Variants in UGT1A9 observed in about 807,000 individuals in gnomAD.
The protein encoded by UGT1A9 is UDP-glucuronosyltransferase 1A9.
A neutral mutation model predicts 45.0 loss-of-function variants in UGT1A9; 35 were observed. That is an observed-to-expected ratio of 0.78 (90% CI 0.59 to 1.03). The LOEUF (loss-of-function observed/expected upper bound fraction) is 1.03. UGT1A9 is among the 50% of genes least tolerant of loss of function. The probability of loss-of-function intolerance (pLI) is 0.00; values close to 1 mark genes in which losing one functional copy is unlikely to be tolerated. For synonymous variants in UGT1A9, 278 were observed against 250.6 expected (o/e 1.11, Z -1.03); for missense variants, 687 against 666.6 (o/e 1.03, Z -0.34).
chr2:233,702,674 T>C (rs1045576021), intron 1 of UGT1A9, among the ~76,000 whole-genome samples: 4 of 152,172 alleles, frequency 2.6e-5, no homozygotes, highest in African/African-American at 9.7e-5. Flanking sequence ...TTATCATACC[T>C]GAGGTGTTTG....
intron 1 of UGT1A9, among the ~76,000 whole-genome samples, chr2:233,765,711 T>TTAATAATAA (rs10664358): frequency 0.012 from 1,790 of 149,272 alleles, 15 homozygotes; most frequent in Middle Eastern, 0.045. Context: ...ATAATAATAA[T>TTAATAATAA]TAATAATAAT....
chr2:233,689,509 A>T (rs1001968532), intron 1 of UGT1A9, among the ~76,000 whole-genome samples: 2 of 152,238 alleles, frequency 1.3e-5, no homozygotes, highest in African/African-American at 4.8e-5. Flanking sequence ...CAGAGGTTAC[A>T]CATTGGTTTG....
Position 233,773,232 on chromosome 2 carries a change from G to A in UGT1A9, c.*673G>A, listed in dbSNP as rs915315951. On this transcript the variant is annotated 3_prime_UTR_variant, in exon 5 of 5. Transcript: ENST00000354728. Reference sequence around the variant, plus strand: ...ACCCAAAATACAGCTATGAAGTGCTGGGCAAGTTTACTTTTTTTCTGATGT... The same window carrying A: ...ACCCAAAATACAGCTATGAAGTGCTAGGCAAGTTTACTTTTTTTCTGATGT... The A allele has an allele frequency of 1.3e-5, 2 of 152,202 alleles. No individual in the cohort carries two copies. Among genetic ancestry groups the A allele is most frequent in the East Asian group, 3.7e-4 (2 of 5,344 alleles). The allele number at this position is 152,202 out of a possible 1,614,324, so 9.4% of individuals were successfully genotyped here. A position where few individuals can be genotyped will look rare whatever the true frequency, so the allele number is the denominator to read the frequency against.
intron 1 of UGT1A9, chr2:233,692,869 G>T: frequency 2.0e-6 from 3 of 1,484,506 alleles, no homozygotes; most frequent in Non-Finnish European, 2.7e-6. Context: ...ACATATCAAA[G>T]GGTAAAATTC....
chr2:233,689,331 T>G (rs2074938203), intron 1 of UGT1A9, among the ~76,000 whole-genome samples: 1 of 152,238 alleles, frequency 6.6e-6, no homozygotes, highest in African/African-American at 2.4e-5. Context: ...CACTGAGATT[T>G]GCAATGGGAG....
intron 1 of UGT1A9, chr2:233,690,760 T>TACACAC: frequency 1.1e-6 from 1 of 905,432 alleles, no homozygotes; most frequent in Non-Finnish European, 1.3e-6. Context: ...AGTGCAGACA[T>TACACAC]ACACACACAC....
At position 233,672,520 on chromosome 2, in the gene UGT1A9, G is replaced by T. The variant is rs2074229865; in HGVS notation, c.586G>T (p.Gly196Trp). The part of the protein sequence containing the change: ...PLSYVPRILL[G>W]FSDAMTFKER... The stretch of plus-strand genomic sequence containing the variant: ...TTCCTATGTCCCCAGAATTCTCTTA[G>T]GGTTCTCAGATGCCATGACTTTCAA... The change falls in exon 1 of 5, where the codon GGG becomes TGG. Residue 196 changes from glycine (G) to tryptophan (W), a missense_variant. By Grantham distance (184) the Gly-to-Trp change is radical. Coordinates refer to ENST00000354728, the MANE Select transcript of UGT1A9 (RefSeq NM_021027.3). 1.2e-6 allele frequency: 2 copies of T among 1,613,744 alleles called. No homozygotes were observed. Among genetic ancestry groups the T allele is most frequent in the Non-Finnish European group, 1.7e-6 (2 of 1,179,850 alleles).
At chr2:233,729,782 C>T (rs764191993) in intron 1 of UGT1A9, 4 of 1,613,938 alleles carry the variant, frequency 2.5e-6, no homozygotes, top group Non-Finnish European at 2.5e-6. Flanking sequence ...TACCCTCTGG[C>T]CCTGTCCTAC....
chr2:233,721,859 C>T (rs1575539894), intron 1 of UGT1A9: 4 of 508,764 alleles, frequency 7.9e-6, no homozygotes, highest in Non-Finnish European at 1.6e-5. Flanking sequence ...CACTGCTCGG[C>T]CCTGGGCACA....
intron 1 of UGT1A9, among the ~76,000 whole-genome samples, chr2:233,704,256 C>CTTTTTTTTT (rs59925871): frequency 4.0e-5 from 5 of 123,674 alleles, no homozygotes; most frequent in African/African-American, 6.5e-5. Flanking sequence ...GCCTTTATTG[C>CTTTTTTTTT]TTTTTTTTTT....
intron 1 of UGT1A9, among the ~76,000 whole-genome samples, chr2:233,734,121 TA>T (rs1021409062): frequency 6.6e-6 from 1 of 151,862 alleles, no homozygotes; most frequent in African/African-American, 2.4e-5. Context: ...ATAATAATAA[TA>T]AAAAGAATTT....
At chr2:233,771,798 CCCTCCCTT>C (rs951458637) in intron 4 of UGT1A9, among the ~76,000 whole-genome samples, 10 of 147,834 alleles carry the variant, frequency 6.8e-5, no homozygotes, top group African/African-American at 2.5e-4. Context: ...CTCCCTCCCT[CCCTCCCTT>C]CCTCCTTTCC....
Position 233,693,758 on chromosome 2 carries a change from G to T in UGT1A9, c.855+20969G>T. The T allele has an allele frequency of 2.5e-6, 4 of 1,614,234 alleles. No individual in the cohort carries two copies. The highest frequency in any genetic ancestry group is 3.4e-6 in the Non-Finnish European group (4 of 1,180,050). On this transcript the variant is annotated intron_variant, in intron 1 of 4. Transcript: ENST00000354728. ...AATCACCTTATATCAGAAGGTCTCT[G>T]TTTGGCTGTTAAGATATGACTTTGT...
chr2:233,694,172 G>C (rs2075203496), intron 1 of UGT1A9, among the ~76,000 whole-genome samples: 1 of 152,246 alleles, frequency 6.6e-6, no homozygotes, highest in African/African-American at 2.4e-5. Flanking sequence ...AGAGGTGAAG[G>C]CTTGACTAAG....
At chr2:233,711,770 A>G (rs1244544490) in intron 1 of UGT1A9, among the ~76,000 whole-genome samples, 2 of 152,234 alleles carry the variant, frequency 1.3e-5, no homozygotes, top group African/African-American at 4.8e-5. Context: ...AGGAAGTGAG[A>G]TAGAAAGTGT....
rs1378723729 is a variant in UGT1A9, at chr2:233,672,342, C to T, written c.408C>T (p.Tyr136=). The stretch of plus-strand genomic sequence containing the variant: ...TTAAAGACAAAAAATTAGTAGAATA[C>T]TTAAAGGAGAGTTCTTTTGATGCAG... ...SLFKDKKLVE[Y]LKESSFDAVF... is the part of the protein sequence containing the mutation. The change falls in exon 1 of 5, where the codon TAC becomes TAT. Residue 136 remains tyrosine (Y), a synonymous_variant. Coordinates refer to ENST00000354728, the MANE Select transcript of UGT1A9 (RefSeq NM_021027.3). 2 of 1,614,048 alleles carry T rather than the reference C, an allele frequency of 1.2e-6. No homozygotes were observed. Among genetic ancestry groups the T allele is most frequent in the Admixed American group, 1.7e-5 (1 of 60,004 alleles).
chr2:233,677,834 T>TA (rs139390163), intron 1 of UGT1A9, among the ~76,000 whole-genome samples: 5,658 of 151,902 alleles, frequency 0.037, 357 homozygotes, highest in African/African-American at 0.13. Flanking sequence ...TAGATATATG[T>TA]AAAAAAAATC....
rs776721160 is a variant in UGT1A9 at position 233,692,987 on chromosome 2, A to G, written c.855+20198A>G. The G allele has an allele frequency of 2.5e-6, 4 of 1,613,680 alleles. No individual in the cohort carries two copies. The Admixed American group carries it at 6.7e-5, about 27-fold the overall frequency. ...GTGAAAACTCTTTATTACCGTTGTT[A>G]CTTTAACTCTTTCCAGGATGGCCTG... On this transcript the variant is annotated intron_variant, in intron 1 of 4. Coordinates refer to ENST00000354728, the MANE Select transcript of UGT1A9 (RefSeq NM_021027.3).
intron 1 of UGT1A9, among the ~76,000 whole-genome samples, chr2:233,724,760 G>A (rs1178180770): frequency 2.1e-5 from 3 of 143,370 alleles, no homozygotes; most frequent in East Asian, 2.2e-4. Flanking sequence ...GACGATGGGC[G>A]GCCAGGCAGA....
Sources: allele counts gnomAD v4.1 joint callset (sites outside exome capture counted in the v4.1 genomes callset), GRCh38; gene constraint gnomAD v4.1.1; transcripts MANE v1.5; gene names NCBI Gene and HGNC (gene_info 2026-07-23, HGNC 2026-07-21).